The following ASL variants were observed in gnomAD, a reference collection of about 807,000 sequenced individuals.
ASL encodes the protein argininosuccinase.
Under a neutral mutation model 69.1 loss-of-function variants are expected in ASL, and 51 were observed. The observed-to-expected ratio is 0.74, with a 90% CI of 0.59 to 0.93. ASL has a LOEUF of 0.93. ASL is among the 40% of genes least tolerant of loss of function. ASL has a pLI of 0.00. For missense variants in ASL, 540 were observed against 623.9 expected (o/e 0.87, Z 1.43); for synonymous variants, 241 against 247.6 (o/e 0.97, Z 0.25).
chr7:66,082,314 C>T (rs752199093), intron 3 of ASL, 54 bp from the exon 4 acceptor site: 8 of 1,541,582 alleles, frequency 5.2e-6, no homozygotes, highest in Non-Finnish European at 7.1e-6. Flanking sequence ...CAGGGGCTCT[C>T]TTGGCTGCTG....
In ASL at chr7:66,093,103, GC is replaced by G; in HGVS notation, c.*193del. On this transcript the variant is annotated 3_prime_UTR_variant, in exon 17 of 17. Coordinates refer to ENST00000304874, the MANE Select transcript of ASL (RefSeq NM_000048.4). ...AGGGCAAGGTGCGAGGATGCTTGAG[GC>G]CAGGAGTTTGACACAGCCTGGGCAA... The G allele has an allele frequency of 2.3e-6, 2 of 887,090 alleles. No homozygotes were observed. Among genetic ancestry groups the G allele is most frequent in the Non-Finnish European group, 3.4e-6 (2 of 579,976 alleles). 55.0% of individuals were successfully genotyped at this position (887,090 alleles called of 1,614,324 possible).
chr7:66,090,698 C>A (rs905466461), intron 14 of ASL, among the ~76,000 whole-genome samples: 1 of 152,206 alleles, frequency 6.6e-6, no homozygotes, highest in Admixed American at 6.6e-5. Flanking sequence ...CTGGCTCCAG[C>A]TGTCTTTACC....
At chr7:66,084,810 G>A (rs1050914712) in intron 6 of ASL, among the ~76,000 whole-genome samples, 5 of 152,052 alleles carry the variant, frequency 3.3e-5, no homozygotes, top group African/African-American at 7.2e-5. Flanking sequence ...TAGTAGAGAC[G>A]GGGTTTCACC....
At chr7:66,088,976 C>T (rs905197473) in intron 11 of ASL, 55 bp downstream of exon 11, 8 of 1,606,852 alleles carry the variant, frequency 5.0e-6, no homozygotes, top group African/African-American at 4.0e-5. Context: ...TATCCCCCGC[C>T]GCCCGCGGAC....
At chr7:66,091,203 C>T (rs180981573) in intron 14 of ASL, among the ~76,000 whole-genome samples, 1 of 151,954 alleles carries the variant, frequency 6.6e-6, no homozygotes, top group African/African-American at 2.4e-5. Flanking sequence ...TGAGGCCCCA[C>T]TCCAGATGGC....
In ASL at chr7:66,087,775, T is replaced by G; in HGVS notation, c.702T>G (p.Ser234Arg). 8 of 1,614,124 alleles carry G rather than the reference T, an allele frequency of 5.0e-6. No homozygotes were observed. The highest frequency in any genetic ancestry group is 6.8e-6 in the Non-Finnish European group (8 of 1,180,024). The change falls in exon 10 of 17, where the codon AGT (serine) becomes AGG (arginine). Residue 234 changes from serine (S) to arginine (R), a missense_variant. Coordinates refer to ENST00000304874, the MANE Select transcript of ASL (RefSeq NM_000048.4). ...AITLNSMDATSERDFVAEFLF... is the reference protein window; with the variant it reads ...AITLNSMDATRERDFVAEFLF... The stretch of plus-strand genomic sequence containing the variant: ...CTCTCAACAGCATGGATGCCACTAG[T>G]GAGCGGGACTTTGTGGGTGAGTCCT...
rs567662355 is a variant in ASL at position 66,076,294 on chromosome 7, C to T, written c.12+201C>T. Among the ~76,000 whole-genome samples the T allele has an allele frequency of 5.3e-5, 8 of 152,328 alleles. No homozygotes were observed. In the South Asian group the frequency reaches 1.7e-3, roughly 32 times the overall value. On this transcript the variant is annotated intron_variant, in intron 2 of 16. Coordinates refer to ENST00000304874, the MANE Select transcript of ASL (RefSeq NM_000048.4). ...ACCTTTACCAGGACTCACCAGTATC[C>T]GCAGGCAGCCCTTGTGGCAAACCCA...
chr7:66,082,828 T>A, intron 4 of ASL, 52 bp from the exon 5 acceptor site: 1 of 1,610,026 alleles, frequency 6.2e-7, no homozygotes, highest in Non-Finnish European at 8.5e-7. Flanking sequence ...CCTGCCTGGG[T>A]TGACTCCTCT....
Position 66,082,518 on chromosome 7 carries a change from G to A in ASL, c.291+67G>A, listed in dbSNP as rs535769121. 782 of 1,512,102 alleles carry A rather than the reference G, an allele frequency of 5.2e-4. 11 individuals are homozygous for A. The South Asian group carries it at 8.8e-3, about 17-fold the overall frequency. 93.7% of individuals were successfully genotyped at this position (1,512,102 alleles called of 1,614,324 possible). A position where few individuals can be genotyped will look rare whatever the true frequency, so the allele number is the denominator to read the frequency against. The stretch of plus-strand genomic sequence containing the variant: ...TCCACCTTGCCCAGGGCCACTTTGA[G>A]CATTAGCACCATTCTGTTTACTTCG... On this transcript the variant is annotated intron_variant, in intron 4 of 16. Coordinates refer to ENST00000304874, the MANE Select transcript of ASL (RefSeq NM_000048.4).
At chr7:66,082,585 G>A in intron 4 of ASL, 134 bp downstream of exon 4, 2 of 1,092,482 alleles carry the variant, frequency 1.8e-6, no homozygotes, top group Non-Finnish European at 2.7e-6. Context: ...CATGAGCCAG[G>A]CACCCTGGCT....
At chr7:66,084,368 ACCAGGCTGGT>A (rs1425040078) in intron 6 of ASL, among the ~76,000 whole-genome samples, 1 of 151,608 alleles carries the variant, frequency 6.6e-6, no homozygotes, top group African/African-American at 2.4e-5. Flanking sequence ...TGCCATGTTG[ACCAGGCTGGT>A]CTTGAACTCC....
At chr7:66,081,750 GC>G in intron 2 of ASL, 52 bp from the exon 3 acceptor site, 1 of 1,572,066 alleles carries the variant, frequency 6.4e-7, no homozygotes, top group Non-Finnish European at 8.7e-7. Flanking sequence ...TTTGCAAGAA[GC>G]ACTGTTCTGG....
chr7:66,082,307 G>T (rs969801136), intron 3 of ASL, 61 bp from the exon 4 acceptor site: 2 of 1,501,416 alleles, frequency 1.3e-6, no homozygotes, highest in African/African-American at 2.7e-5. Context: ...ACCAAGGCAG[G>T]GGCTCTCTTG....
chr7:66,082,474 G>T (rs773680222), intron 4 of ASL, 23 bp downstream of exon 4: 2 of 1,600,872 alleles, frequency 1.2e-6, no homozygotes, highest in Admixed American at 3.5e-5. Flanking sequence ...GAGCCCCACC[G>T]CTTTCCTTGC....
intron 2 of ASL, among the ~76,000 whole-genome samples, chr7:66,081,124 G>A (rs932934024): frequency 6.6e-6 from 1 of 152,194 alleles, no homozygotes; most frequent in Non-Finnish European, 1.5e-5. Context: ...CTTCATAGTG[G>A]AATTGTATTG....
chr7:66,089,364 A>G, intron 13 of ASL, 29 bp downstream of exon 13: 1 of 1,585,088 alleles, frequency 6.3e-7, no homozygotes. Flanking sequence ...CCTGGCTAGT[A>G]CGTGCCAGTT....
At chr7:66,077,995 G>C (rs1322076182) in intron 2 of ASL, among the ~76,000 whole-genome samples, 1 of 152,206 alleles carries the variant, frequency 6.6e-6, no homozygotes, top group Non-Finnish European at 1.5e-5. Flanking sequence ...AAGGATAGGA[G>C]TTTGGTTCTA....
chr7:66,076,108 G>A lies in ASL; in HGVS notation c.12+15G>A. The A allele has an allele frequency of 6.3e-7, 1 of 1,592,162 alleles. No homozygotes were observed. The highest frequency in any genetic ancestry group is 8.5e-7 in the Non-Finnish European group (1 of 1,169,998). On this transcript the variant is annotated intron_variant, in intron 2 of 16. Coordinates refer to ENST00000304874, the MANE Select transcript of ASL (RefSeq NM_000048.4). ...TGGCCTCGGAGGTGAGTGGGACCTC[G>A]GGGACTCCGGTCCTCCTAGCCTCCA...
chr7:66,086,115 A>G (rs1004744373), intron 6 of ASL, among the ~76,000 whole-genome samples: 1 of 152,110 alleles, frequency 6.6e-6, no homozygotes, highest in Non-Finnish European at 1.5e-5. Context: ...CAAAACAACA[A>G]GAAAACAGGA....
Sources: gnomAD v4.1 joint callset for allele counts (sites outside exome capture counted in the v4.1 genomes callset) on GRCh38, gnomAD v4.1.1 for gene constraint, MANE v1.5 for transcripts, NCBI Gene and HGNC (gene_info 2026-07-23, HGNC 2026-07-21) for gene names.